The following LRP1B variants were observed in gnomAD, a reference collection of about 807,000 sequenced individuals.
The protein encoded by LRP1B is LDL receptor related protein 1B, also known as low-density lipoprotein receptor-related protein 1B.
A neutral mutation model predicts 556.6 loss-of-function variants in LRP1B; 217 were observed. The observed-to-expected ratio is 0.39, with a 90% CI of 0.35 to 0.44. The LOEUF is 0.44. LRP1B is among the 20% of genes least tolerant of loss of function. The pLI is 1.00. For synonymous variants in LRP1B, 2,047 were observed against 1,865.8 expected (o/e 1.10, Z -2.50); for missense variants, 5,053 against 5,620.8 (o/e 0.90, Z 3.23).
At chr2:141,617,418 T>A (rs1306921986) in intron 2 of LRP1B, among the ~76,000 whole-genome samples, 1 of 152,214 alleles carries the variant, frequency 6.6e-6, no homozygotes, top group South Asian at 2.1e-4. Flanking sequence ...TACTTTAATA[T>A]GGTGAGGTAT....
chr2:141,923,234 G>T (rs1373638097), intron 1 of LRP1B, among the ~76,000 whole-genome samples: 1 of 151,630 alleles, frequency 6.6e-6, no homozygotes, highest in Non-Finnish European at 1.5e-5. Context: ...AACAGTTACG[G>T]AAAAATTTAT....
intron 8 of LRP1B, among the ~76,000 whole-genome samples, chr2:141,060,181 A>G (rs1699297053): frequency 5.9e-5 from 9 of 151,758 alleles, no homozygotes. Flanking sequence ...CATTACTTCT[A>G]TTTCTGGTCT....
rs778636012 is a variant in LRP1B, at chr2:140,335,830, T to G, written c.11901A>C (p.Glu3967Asp). 8 of 1,604,230 alleles carry G rather than the reference T, an allele frequency of 5.0e-6. No individual in the cohort carries two copies. The African/African-American group carries it at 1.1e-4, about 22-fold the overall frequency. Residue 3967 changes from glutamate to aspartate, a missense_variant, in exon 78 of 91, where the codon GAA becomes GAC. Glu to Asp is a conservative substitution (Grantham distance 45). Transcript: ENST00000389484. ...CTGCAATGTCCCTGGGCCTTTTAAA[T>G]TCAGGACACTACAAGGAAACAAAAC... Reference protein sequence around the residue: ...RQANSGLICPEFKRPRDIAVD... With the variant: ...RQANSGLICPDFKRPRDIAVD...
chr2:141,780,935 A>C (rs1218303472), intron 2 of LRP1B, among the ~76,000 whole-genome samples: 1 of 152,158 alleles, frequency 6.6e-6, no homozygotes, highest in Non-Finnish European at 1.5e-5. Context: ...GATAGGTAGC[A>C]ATTCAAATTT....
chr2:141,762,077 CT>C lies in LRP1B; in HGVS notation c.205+48201del, dbSNP rs558564186. Among the ~76,000 whole-genome samples, 203 of 149,008 alleles carry C rather than the reference CT, an allele frequency of 1.4e-3. 2 individuals carry two copies. The South Asian group carries it at 0.026, about 19-fold the overall frequency. On this transcript the variant is annotated intron_variant, in intron 2 of 90. Coordinates refer to ENST00000389484, the MANE Select transcript of LRP1B (RefSeq NM_018557.3). ...AAGGTGTTTTCTTTATGGTTATTGTCTTTTTTTTTTCTTTTATATTTAGTTA... is the reference window on the plus strand; with the variant it reads ...AAGGTGTTTTCTTTATGGTTATTGTCTTTTTTTTTCTTTTATATTTAGTTA...
chr2:140,284,920 A>T (rs1199847154), intron 84 of LRP1B, among the ~76,000 whole-genome samples: 4 of 141,742 alleles, frequency 2.8e-5, no homozygotes, highest in African/African-American at 1.0e-4. Context: ...ATATACCTAG[A>T]TATACCTAGA....
chr2:140,541,315 C>T (rs767702343), intron 44 of LRP1B, among the ~76,000 whole-genome samples: 22 of 152,054 alleles, frequency 1.4e-4, no homozygotes, highest in Admixed American at 3.3e-4. Flanking sequence ...TTTGATACCA[C>T]GGCATCAAAT....
chr2:141,245,874 C>T (rs950989154), intron 5 of LRP1B, among the ~76,000 whole-genome samples: 6 of 152,036 alleles, frequency 3.9e-5, no homozygotes, highest in African/African-American at 1.4e-4. Flanking sequence ...TTCTCTCTTT[C>T]CTTTTCCTTT....
chr2:140,508,969 C>A (rs1689532929), intron 52 of LRP1B, among the ~76,000 whole-genome samples: 1 of 151,886 alleles, frequency 6.6e-6, no homozygotes, highest in Non-Finnish European at 1.5e-5. Flanking sequence ...GTGAATTATT[C>A]TACAACAATA....
At chr2:141,226,364 C>A (rs1300811780) in intron 6 of LRP1B, among the ~76,000 whole-genome samples, 4 of 152,026 alleles carry the variant, frequency 2.6e-5, no homozygotes, top group Admixed American at 2.6e-4. Context: ...GCTTGCTACC[C>A]AGAGATGCAG....
chr2:141,554,339 G>A (rs1427512653), intron 2 of LRP1B, among the ~76,000 whole-genome samples: 9 of 146,704 alleles, frequency 6.1e-5, no homozygotes, highest in Non-Finnish European at 9.0e-5. Context: ...TAGATTATAT[G>A]TATCTATAGG....
chr2:140,828,395 G>A (rs1013020155), intron 31 of LRP1B, among the ~76,000 whole-genome samples: 2 of 150,038 alleles, frequency 1.3e-5, no homozygotes, highest in African/African-American at 2.4e-5. Context: ...GGATCACGAG[G>A]TCAGGAGATC....
chr2:140,509,200 C>T (rs771071695), intron 52 of LRP1B, among the ~76,000 whole-genome samples: 13 of 151,926 alleles, frequency 8.6e-5, no homozygotes, highest in Non-Finnish European at 1.8e-4. Context: ...TTTTAACAAG[C>T]GGAGTTCGCA....
At chr2:140,368,789 C>A (rs1682869079) in intron 71 of LRP1B, among the ~76,000 whole-genome samples, 1 of 151,730 alleles carries the variant, frequency 6.6e-6, no homozygotes, top group African/African-American at 2.4e-5. Context: ...TTCCTCAATG[C>A]CTTAAAATGC....
chr2:142,083,844 A>G (rs1461183592), intron 1 of LRP1B, among the ~76,000 whole-genome samples: 5 of 152,260 alleles, frequency 3.3e-5, no homozygotes, highest in African/African-American at 7.2e-5. Context: ...TTCTGCAAAC[A>G]CAAACAAGCA....
At chr2:140,598,002 G>C (rs1040935039) in intron 43 of LRP1B, among the ~76,000 whole-genome samples, 2 of 152,072 alleles carry the variant, frequency 1.3e-5, no homozygotes, top group African/African-American at 4.8e-5. Flanking sequence ...TAACCACTGA[G>C]GTTCCCAGTC....
intron 6 of LRP1B, among the ~76,000 whole-genome samples, chr2:141,210,445 T>C (rs1682493174): frequency 6.6e-6 from 1 of 152,220 alleles, no homozygotes; most frequent in Admixed American, 6.5e-5. Context: ...TACTTCCTTC[T>C]TTCTTCCATA....
At chr2:140,598,269 C>A (rs920041237) in intron 43 of LRP1B, among the ~76,000 whole-genome samples, 1 of 152,116 alleles carries the variant, frequency 6.6e-6, no homozygotes, top group Admixed American at 6.6e-5. Context: ...TTTCTTTTAT[C>A]CTGGGACAAC....
At chr2:141,085,002 TG>T (rs1272983370) in intron 7 of LRP1B, among the ~76,000 whole-genome samples, 2 of 152,124 alleles carry the variant, frequency 1.3e-5, no homozygotes, top group Non-Finnish European at 2.9e-5. Flanking sequence ...TTATGTTTCT[TG>T]CATTTTCCCC....
Sources: allele counts gnomAD v4.1 joint callset (sites outside exome capture counted in the v4.1 genomes callset), GRCh38; gene constraint gnomAD v4.1.1; transcripts MANE v1.5; gene names NCBI Gene and HGNC (gene_info 2026-07-23, HGNC 2026-07-21).